HNRNPA2B1: variants seen among roughly 807,000 people sequenced by gnomAD.
HNRNPA2B1 encodes heterogeneous nuclear ribonucleoproteins A2/B1.
HNRNPA2B1 carries 3 observed loss-of-function variants against 46.3 expected under a neutral mutation model. The observed-to-expected ratio is 0.06, with a 90% CI of 0.03 to 0.17. HNRNPA2B1 has a LOEUF of 0.17. Among genes scored for constraint, HNRNPA2B1 ranks in the 10% least tolerant of loss-of-function variants. The probability of loss-of-function intolerance (pLI) is 1.00; values close to 1 mark genes in which losing one functional copy is unlikely to be tolerated. For synonymous variants in HNRNPA2B1, 225 were observed against 133.8 expected (o/e 1.68, Z -4.70); for missense variants, 221 against 418.9 (o/e 0.53, Z 4.12).
At chr7:26,193,486 T>C (rs1783140925) in intron 8 of HNRNPA2B1, 89 bp downstream of exon 8, 2 of 1,530,132 alleles carry the variant, frequency 1.3e-6, no homozygotes, top group Non-Finnish European at 1.8e-6. Context: ...TTTATGGGCA[T>C]CTAGTGACAA....
chr7:26,196,573 A>G lies in HNRNPA2B1; in HGVS notation c.561T>C (p.Ser187=), dbSNP rs745648331. The G allele has an allele frequency of 3.1e-6, 5 of 1,613,776 alleles. No individual in the cohort carries two copies. Among genetic ancestry groups the G allele is most frequent in the East Asian group, 2.2e-5 (1 of 44,882 alleles). Residue 187 remains serine, a synonymous_variant, in exon 5 of 11, where the codon TCT becomes TCC. Transcript: ENST00000618183. ...TAAAATTACCTCCTCTTCCACTCCT[A>G]GAACTCTGAACTTCCTGCATTTCTT... ...SRQEMQEVQS[S]RSGRGGNFGF... is the part of the protein sequence containing the mutation.
chr7:26,194,504 G>A (rs1176783935), intron 7 of HNRNPA2B1, among the ~76,000 whole-genome samples: 4 of 151,492 alleles, frequency 2.6e-5, no homozygotes, highest in African/African-American at 7.3e-5. Context: ...TTCAAGACCA[G>A]CCAGGGCAAC....
rs764726411 is a variant in HNRNPA2B1, at chr7:26,200,565, C to A, written c.6+7G>T. 1 of 1,613,378 alleles carries A rather than the reference C, an allele frequency of 6.2e-7. No homozygotes were observed. Among genetic ancestry groups the A allele is most frequent in the South Asian group, 1.1e-5 (1 of 91,092 alleles). On this transcript the variant is annotated splice_region_variant and intron_variant, in intron 1 of 10. Transcript: ENST00000618183. ...TTTCAATAACTCATTGATTTCAAAC[C>A]CGTTACCTCCATCGCGGACTCAGTC...
At position 26,191,811 on chromosome 7, in the gene HNRNPA2B1, CTTAT is replaced by C. The variant is rs1217588653; in HGVS notation, c.*545_*548del. On this transcript the variant is annotated 3_prime_UTR_variant, in exon 11 of 11. Transcript: ENST00000618183. ...CTTAATTATACTACCCACTCCTTAA[CTTAT>C]TTAAAATAAAAAGTCTATAATTACA... The C allele has an allele frequency of 1.3e-5, 2 of 152,566 alleles. No homozygotes were observed. The highest frequency in any genetic ancestry group is 2.9e-5 in the Non-Finnish European group (2 of 68,022). The allele number at this position is 152,566 out of a possible 1,614,324, so 9.5% of individuals were successfully genotyped here. A position where few individuals can be genotyped will look rare whatever the true frequency, so the allele number is the denominator to read the frequency against.
rs1160824876 is a variant in HNRNPA2B1 at position 26,190,389 on chromosome 7, C to T, written c.*1971G>A. Reference sequence around the variant, plus strand: ...CAACAAGAACTACTTTCAGATGGTACAGAATTTCTTATTTCTTGAAGACTC... The same window carrying T: ...CAACAAGAACTACTTTCAGATGGTATAGAATTTCTTATTTCTTGAAGACTC... On this transcript the variant is annotated 3_prime_UTR_variant, in exon 11 of 11. Transcript: ENST00000618183. 6.6e-6 allele frequency: 1 copy of T among 152,524 alleles called. No individual in the cohort carries two copies. Among genetic ancestry groups the T allele is most frequent in the Non-Finnish European group, 1.5e-5 (1 of 67,986 alleles). 9.4% of individuals were successfully genotyped at this position (152,524 alleles called of 1,614,324 possible).
At chr7:26,193,540 A>C (rs1783148431) in intron 8 of HNRNPA2B1, 35 bp downstream of exon 8, 1 of 1,568,204 alleles carries the variant, frequency 6.4e-7, no homozygotes, top group Non-Finnish European at 8.6e-7. Flanking sequence ...ATTAATTCCA[A>C]ATTCCCACAT....
In HNRNPA2B1 at chr7:26,194,226, C is replaced by T. The variant is rs555377814; in HGVS notation, c.722-532G>A. Among the ~76,000 whole-genome samples, 5 of 152,208 alleles carry T rather than the reference C, an allele frequency of 3.3e-5. No homozygotes were observed. In the South Asian group the frequency reaches 1.0e-3, roughly 32 times the overall value. ...CCTGGCTAACACGGTGAAACCCCAT[C>T]TCTACTAAAAATACAAAACATTAGC... On this transcript the variant is annotated intron_variant, in intron 7 of 10. Transcript: ENST00000618183.
chr7:26,193,437 C>G lies in HNRNPA2B1; in HGVS notation c.842-64G>C, dbSNP rs918281959. 4 of 1,546,050 alleles carry G rather than the reference C, an allele frequency of 2.6e-6. No homozygotes were observed. In the African/African-American group the frequency reaches 5.6e-5, roughly 21 times the overall value. On this transcript the variant is annotated intron_variant, in intron 8 of 10. Transcript: ENST00000618183. ...TAAACCAAGGACTTAGGACAAAGCTCCCATAAAAACAAATAAAAGCAAACA... is the reference window on the plus strand; with the variant it reads ...TAAACCAAGGACTTAGGACAAAGCTGCCATAAAAACAAATAAAAGCAAACA...
chr7:26,192,520 T>C lies in HNRNPA2B1; in HGVS notation c.1022A>G (p.Tyr341Cys). Reference protein sequence around the residue: ...GSGGYGGRSRY With the variant: ...GSGGYGGRSRC ...CCATGGCAAATAGGAAGAAGCTCAG[T>C]ATCGGCTCCTCCCACCATAACCCCC... Residue 341 changes from tyrosine to cysteine, a missense_variant, in exon 10 of 11, where the codon TAC becomes TGC. Physicochemically the swap from Tyr to Cys is radical, Grantham distance 194. Around this residue, in one of 2 missense-constraint regions of HNRNPA2B1, gnomAD observed 143 missense variants for 200.5 expected, o/e 0.71. Transcript: ENST00000618183. The C allele has an allele frequency of 6.2e-7, 1 of 1,613,034 alleles. No individual in the cohort carries two copies. Among genetic ancestry groups the C allele is most frequent in the Non-Finnish European group, 8.5e-7 (1 of 1,178,970 alleles).
In HNRNPA2B1 at chr7:26,191,498, GTAGT is replaced by G. The variant is rs750845438; in HGVS notation, c.*858_*861del. On this transcript the variant is annotated 3_prime_UTR_variant, in exon 11 of 11. Coordinates refer to ENST00000618183, the MANE Select transcript of HNRNPA2B1 (RefSeq NM_002137.4). ...TTCGTTGGCATCCTTATAAACTACT[GTAGT>G]TAAAGTTTTGTAGAAACAGCACAGT... The G allele has an allele frequency of 1.3e-5, 2 of 152,150 alleles. No individual in the cohort carries two copies. The highest frequency in any genetic ancestry group is 1.9e-4 in the East Asian group (1 of 5,190). The allele number at this position is 152,150 out of a possible 1,614,324, so 9.4% of individuals were successfully genotyped here.
chr7:26,200,329 G>A lies in HNRNPA2B1; in HGVS notation c.6+243C>T, dbSNP rs35254059. On this transcript the variant is annotated intron_variant, in intron 1 of 10. Coordinates refer to ENST00000618183, the MANE Select transcript of HNRNPA2B1 (RefSeq NM_002137.4). ...ACCCCAGCGGGGCAGCGTCCGCCAT[G>A]TGAAAGCTCCCCATCCCCCACCCCC... is the stretch of plus-strand genomic sequence containing the variant. The A allele has an allele frequency of 6.4e-3, 3,673 of 570,348 alleles. 20 individuals are homozygous for A. The highest frequency in any genetic ancestry group is 9.2e-3 in the Non-Finnish European group (2,919 of 317,306). 35.3% of individuals were successfully genotyped at this position (570,348 alleles called of 1,614,324 possible). A position where few individuals can be genotyped will look rare whatever the true frequency, so the allele number is the denominator to read the frequency against.
At chr7:26,200,426 C>A (rs1027618123) in intron 1 of HNRNPA2B1, 146 bp downstream of exon 1, 3 of 820,520 alleles carry the variant, frequency 3.7e-6, no homozygotes, top group Non-Finnish European at 6.3e-6. Flanking sequence ...CGCTCAAGAC[C>A]CCGTTCATAA....
Position 26,193,264 on chromosome 7 carries a change from TCCC to T in HNRNPA2B1, c.948_950del (p.Gly317del), listed in dbSNP as rs745758500. Reference sequence around the variant, plus strand: ...TTTATAAATTACCTCCACCATATGGTCCCCCCATGTTCCTGCTACCACCAAAGT... The same window carrying T: ...TTTATAAATTACCTCCACCATATGGTCCCATGTTCCTGCTACCACCAAAGT... On this transcript the variant is annotated inframe_deletion, in exon 9 of 11. Coordinates refer to ENST00000618183, the MANE Select transcript of HNRNPA2B1 (RefSeq NM_002137.4). The T allele has an allele frequency of 1.1e-5, 18 of 1,612,748 alleles. No individual in the cohort carries two copies. Among genetic ancestry groups the T allele is most frequent in the Middle Eastern group, 1.7e-4 (1 of 6,060 alleles).
At position 26,190,722 on chromosome 7, in the gene HNRNPA2B1, G is replaced by C. The variant is rs1342633213; in HGVS notation, c.*1638C>G. 1 of 152,100 alleles carries C rather than the reference G, an allele frequency of 6.6e-6. No individual in the cohort carries two copies. The highest frequency in any genetic ancestry group is 1.9e-4 in the East Asian group (1 of 5,196). 9.4% of individuals were successfully genotyped at this position (152,100 alleles called of 1,614,324 possible). On this transcript the variant is annotated 3_prime_UTR_variant, in exon 11 of 11. Transcript: ENST00000618183. Reference sequence around the variant, plus strand: ...TTACCACATTTAACCCACCTATTTAGTACTGGATACATACCAGGCTTCATA... The same window carrying C: ...TTACCACATTTAACCCACCTATTTACTACTGGATACATACCAGGCTTCATA...
chr7:26,196,688 A>C (rs768573159), intron 4 of HNRNPA2B1, 30 bp from the exon 5 acceptor site: 1 of 1,591,320 alleles, frequency 6.3e-7, no homozygotes, highest in South Asian at 1.1e-5. Context: ...CTCCTTTTAA[A>C]TTAAATCAAC....
chr7:26,197,283 G>T, intron 3 of HNRNPA2B1, 32 bp downstream of exon 3: 1 of 1,569,734 alleles, frequency 6.4e-7, no homozygotes, highest in South Asian at 1.2e-5. Context: ...CGTTCTTCAT[G>T]TTAATGCACA....
chr7:26,200,738 G>T lies in HNRNPA2B1; in HGVS notation c.-161C>A, dbSNP rs575808040. The T allele has an allele frequency of 1.2e-6, 1 of 863,338 alleles. No individual in the cohort carries two copies. The highest frequency in any genetic ancestry group is 1.7e-5 in the African/African-American group (1 of 60,464). The allele number at this position is 863,338 out of a possible 1,614,324, so 53.5% of individuals were successfully genotyped here. A position where few individuals can be genotyped will look rare whatever the true frequency, so the allele number is the denominator to read the frequency against. On this transcript the variant is annotated 5_prime_UTR_variant, in exon 1 of 11. Coordinates refer to ENST00000618183, the MANE Select transcript of HNRNPA2B1 (RefSeq NM_002137.4). Reference sequence around the variant, plus strand: ...GCACCTCCGCACGGGACCCGGCGCTGCTGCTACTGCCGCTAGAGCCGCTGC... The same window carrying T: ...GCACCTCCGCACGGGACCCGGCGCTTCTGCTACTGCCGCTAGAGCCGCTGC...
At chr7:26,193,512 A>T (rs1295447203) in intron 8 of HNRNPA2B1, 63 bp downstream of exon 8, 16 of 1,552,556 alleles carry the variant, frequency 1.0e-5, no homozygotes, top group Non-Finnish European at 1.4e-5. Context: ...GAAACAAAAG[A>T]TCAAGTGTTA....
rs1783746444 is a variant in HNRNPA2B1, at chr7:26,197,223, CTT to C, written c.264+90_264+91del. 7.0e-6 allele frequency: 10 copies of C among 1,431,206 alleles called. No individual in the cohort carries two copies. In the South Asian group the frequency reaches 1.1e-4, roughly 16 times the overall value. 88.7% of individuals were successfully genotyped at this position (1,431,206 alleles called of 1,614,324 possible). On this transcript the variant is annotated intron_variant, in intron 3 of 10. Transcript: ENST00000618183. The stretch of plus-strand genomic sequence containing the variant: ...ACACACCTTTAATAAGAGAAAAAAT[CTT>C]GAGTTAAAACTAAATTCAGAAATAG...
Sources: allele counts gnomAD v4.1 joint callset (sites outside exome capture counted in the v4.1 genomes callset), GRCh38; gene constraint gnomAD v4.1.1; regional missense constraint gnomAD v4.1.1; transcripts MANE v1.5; gene names NCBI Gene and HGNC (gene_info 2026-07-23, HGNC 2026-07-21).